SDK1: variants seen among roughly 807,000 people sequenced by gnomAD.
SDK1 encodes the protein protein sidekick-1.
In SDK1, 157 loss-of-function variants were observed where a neutral mutation model predicts 245.5. The observed-to-expected ratio is 0.64, with a 90% CI of 0.56 to 0.73. The LOEUF is 0.73. SDK1 is among the 30% of genes least tolerant of loss of function. The probability of loss-of-function intolerance (pLI) is 0.00; values close to 1 mark genes in which losing one functional copy is unlikely to be tolerated. For missense variants in SDK1, 3,583 were observed against 3,002.3 expected (o/e 1.19, Z -4.52); for synonymous variants, 1,647 against 1,278.5 (o/e 1.29, Z -6.15).
intron 1 of SDK1, among the ~76,000 whole-genome samples, chr7:3,437,372 A>G (rs1355347224): frequency 6.6e-6 from 1 of 152,212 alleles, no homozygotes; most frequent in Non-Finnish European, 1.5e-5. Context: ...AGAATGTTTT[A>G]GCATAATGTC....
intron 1 of SDK1, among the ~76,000 whole-genome samples, chr7:3,509,106 G>T (rs1011099341): frequency 6.6e-6 from 1 of 151,786 alleles, no homozygotes; most frequent in African/African-American, 2.4e-5. Context: ...GTGTATGTAT[G>T]TACATGCGTG....
Position 3,961,477 on chromosome 7 carries a change from A to C in SDK1, c.1235-1180A>C, listed in dbSNP as rs200359732. Among the ~76,000 whole-genome samples the C allele has an allele frequency of 3.9e-5, 6 of 152,362 alleles. No homozygotes were observed. The East Asian group carries it at 1.2e-3, about 29-fold the overall frequency. ...GTGTGCTTTGCACTGAAGCATGTCA[A>C]GATATGTTTTTTATTTAAATCCACT... On this transcript the variant is annotated intron_variant, in intron 8 of 44. Coordinates refer to ENST00000404826, the MANE Select transcript of SDK1 (RefSeq NM_152744.4).
At chr7:4,265,032 G>A in intron 44 of SDK1, 92 bp from the exon 45 acceptor site, 1 of 1,524,428 alleles carries the variant, frequency 6.6e-7, no homozygotes, top group Non-Finnish European at 8.8e-7. Flanking sequence ...CACGCCCCTG[G>A]GGAGGTGCCC....
rs115672640 is a variant in SDK1 at position 3,785,393 on chromosome 7, C to T, written c.714-36057C>T. Among the ~76,000 whole-genome samples, 864 of 152,094 alleles carry T rather than the reference C, an allele frequency of 5.7e-3. 9 individuals carry two copies. The highest frequency in any genetic ancestry group is 0.02 in the African/African-American group (822 of 41,480). ...ATATGTGAGCTGATGGATATGTTAA[C>T]GAGATTGATTTAATTATTCCACATT... On this transcript the variant is annotated intron_variant, in intron 4 of 44. Coordinates refer to ENST00000404826, the MANE Select transcript of SDK1 (RefSeq NM_152744.4).
intron 1 of SDK1, among the ~76,000 whole-genome samples, chr7:3,447,527 C>T (rs996479055): frequency 6.6e-6 from 1 of 151,998 alleles, no homozygotes; most frequent in African/African-American, 2.4e-5. Flanking sequence ...TCTTCTAGGA[C>T]AGTATGTATA....
intron 1 of SDK1, among the ~76,000 whole-genome samples, chr7:3,456,938 G>A (rs1190627425): frequency 6.6e-6 from 1 of 152,146 alleles, no homozygotes; most frequent in Admixed American, 6.5e-5. Context: ...TTGTCTTGCT[G>A]TTTGGGTGTC....
rs545280966 is a variant in SDK1, at chr7:3,670,467, T to C, written c.713+28362T>C. 7.9e-5 allele frequency among the ~76,000 whole-genome samples: 12 copies of C among 152,330 alleles called. No individual in the cohort carries two copies. The East Asian group carries it at 2.3e-3, about 29-fold the overall frequency. ...AAGTTCTTAAACAAAACAAAACTTT[T>C]ATTAATGGACAAGTTCTTGAACCTA... On this transcript the variant is annotated intron_variant, in intron 4 of 44. Transcript: ENST00000404826.
intron 1 of SDK1, among the ~76,000 whole-genome samples, chr7:3,451,934 G>C (rs746113681): frequency 2.6e-5 from 4 of 152,114 alleles, no homozygotes; most frequent in East Asian, 1.9e-4. Context: ...TAGCACGCAG[G>C]CTTCTCTCCT....
intron 4 of SDK1, among the ~76,000 whole-genome samples, chr7:3,740,986 A>G (rs1583361727): frequency 6.6e-6 from 1 of 152,306 alleles, no homozygotes; most frequent in East Asian, 1.9e-4. Flanking sequence ...GTCACTTTGT[A>G]TAGAAAGGCT....
intron 5 of SDK1, among the ~76,000 whole-genome samples, chr7:3,826,819 G>A (rs962299339): frequency 6.6e-6 from 1 of 152,262 alleles, no homozygotes; most frequent in African/African-American, 2.4e-5. Flanking sequence ...CTTTCGGTGA[G>A]AAAACATAAG....
intron 13 of SDK1, among the ~76,000 whole-genome samples, chr7:3,978,265 A>G (rs1416149594): frequency 3.9e-5 from 6 of 152,186 alleles, no homozygotes; most frequent in Non-Finnish European, 4.4e-5. Context: ...CAAATTGCAT[A>G]CTTCCAATAT....
At chr7:4,103,493 C>CTTTT (rs1782707598) in intron 22 of SDK1, among the ~76,000 whole-genome samples, 1 of 152,176 alleles carries the variant, frequency 6.6e-6, no homozygotes, top group African/African-American at 2.4e-5. Flanking sequence ...TCTCTCCAGA[C>CTTTT]AAAAATGTAA....
At chr7:4,087,146 T>A (rs1781474812) in intron 22 of SDK1, among the ~76,000 whole-genome samples, 2 of 152,236 alleles carry the variant, frequency 1.3e-5, no homozygotes, top group South Asian at 4.1e-4. Context: ...ACCCAACCAA[T>A]TTTCTGGTTT....
intron 4 of SDK1, among the ~76,000 whole-genome samples, chr7:3,657,547 C>G (rs969277150): frequency 2.0e-5 from 3 of 152,158 alleles, no homozygotes; most frequent in African/African-American, 7.2e-5. Context: ...CAGCTGTGCT[C>G]TCTCGTCACT....
At chr7:4,014,271 A>C (rs1786217946) in intron 16 of SDK1, among the ~76,000 whole-genome samples, 1 of 152,314 alleles carries the variant, frequency 6.6e-6, no homozygotes, top group South Asian at 2.1e-4. Flanking sequence ...CGGGGACTGC[A>C]CATTTCTCTG....
At chr7:3,690,128 T>C (rs1338160259) in intron 4 of SDK1, among the ~76,000 whole-genome samples, 1 of 152,172 alleles carries the variant, frequency 6.6e-6, no homozygotes. Flanking sequence ...TCGAACCTTT[T>C]GGAAAAATCT....
Position 3,638,921 on chromosome 7 carries a change from T to C in SDK1, c.459-83T>C, listed in dbSNP as rs1357706383. On this transcript the variant is annotated intron_variant, in intron 2 of 44. Transcript: ENST00000404826. Reference sequence around the variant, plus strand: ...TATACTAGATGAGATGCCAGTGCTGTTTGATAAAATAGCATCTGATGGTTA... The same window carrying C: ...TATACTAGATGAGATGCCAGTGCTGCTTGATAAAATAGCATCTGATGGTTA... The C allele has an allele frequency of 1.3e-5, 10 of 769,378 alleles. No individual in the cohort carries two copies. The East Asian group carries it at 2.0e-4, about 15-fold the overall frequency. The allele number at this position is 769,378 out of a possible 1,614,324, so 47.7% of individuals were successfully genotyped here. A position where few individuals can be genotyped will look rare whatever the true frequency, so the allele number is the denominator to read the frequency against.
intron 35 of SDK1, among the ~76,000 whole-genome samples, chr7:4,188,038 C>T (rs1040368674): frequency 6.6e-5 from 10 of 152,140 alleles, no homozygotes; most frequent in African/African-American, 2.2e-4. Flanking sequence ...TCTTGTGAGA[C>T]GTATTCACTA....
chr7:3,467,351 C>T (rs1781039896), intron 1 of SDK1, among the ~76,000 whole-genome samples: 1 of 151,644 alleles, frequency 6.6e-6, no homozygotes, highest in South Asian at 2.1e-4. Context: ...AATTAAGAGC[C>T]CCACTCATGA....
Sources: allele counts gnomAD v4.1 joint callset (sites outside exome capture counted in the v4.1 genomes callset), GRCh38; gene constraint gnomAD v4.1.1; transcripts MANE v1.5; gene names NCBI Gene and HGNC (gene_info 2026-07-23, HGNC 2026-07-21).